TMEM132D: variants seen among roughly 807,000 people sequenced by gnomAD.
The protein encoded by TMEM132D is transmembrane protein 132D.
Under a neutral mutation model 62.3 loss-of-function variants are expected in TMEM132D, and 21 were observed. The ratio of observed to expected loss-of-function variants is 0.34; its 90% CI spans 0.24 to 0.49. TMEM132D has a LOEUF of 0.49. Ranked by LOEUF, TMEM132D falls within the 20% of genes least tolerant of loss-of-function variation. The pLI is 0.99. For synonymous variants in TMEM132D, 621 were observed against 575.6 expected (o/e 1.08, Z -1.13); for missense variants, 1,346 against 1,402.8 (o/e 0.96, Z 0.65).
chr12:129,729,506 C>G (rs1216956263), intron 1 of TMEM132D, among the ~76,000 whole-genome samples: 6 of 151,984 alleles, frequency 3.9e-5, no homozygotes, highest in Admixed American at 6.6e-5. Context: ...GATGAAAAAA[C>G]CCTGGTCTAG....
chr12:129,875,445 G>C (rs1874387235), intron 1 of TMEM132D, among the ~76,000 whole-genome samples: 1 of 152,218 alleles, frequency 6.6e-6, no homozygotes, highest in Non-Finnish European at 1.5e-5. Flanking sequence ...TTAGTTCCTG[G>C]TAAGGGCCCG....
At chr12:129,089,516 T>C (rs181682230) in intron 5 of TMEM132D, among the ~76,000 whole-genome samples, 1 of 101,794 alleles carries the variant, frequency 9.8e-6, no homozygotes, top group African/African-American at 4.0e-5. Context: ...TATGACCGGG[T>C]GTCCTCCATG....
intron 2 of TMEM132D, among the ~76,000 whole-genome samples, chr12:129,698,828 A>C (rs2895129): frequency 0.27 from 41,395 of 151,332 alleles, 6,785 homozygotes; most frequent in Non-Finnish European, 0.37. Flanking sequence ...AGAAGAAAAG[A>C]AAAGCTAGAA....
intron 1 of TMEM132D, among the ~76,000 whole-genome samples, chr12:129,786,448 C>A (rs1871250286): frequency 6.6e-6 from 1 of 152,182 alleles, no homozygotes; most frequent in South Asian, 2.1e-4. Flanking sequence ...AAAAACCATA[C>A]AGAAAAGGGA....
chr12:129,405,565 A>T (rs3900825), intron 3 of TMEM132D, among the ~76,000 whole-genome samples: 2 of 151,914 alleles, frequency 1.3e-5, no homozygotes, highest in Non-Finnish European at 2.9e-5. Flanking sequence ...GAGTGGCCCC[A>T]CTGCAGGTGC....
intron 4 of TMEM132D, among the ~76,000 whole-genome samples, chr12:129,278,017 G>GA (rs554306186): frequency 4.3e-4 from 65 of 152,238 alleles, no homozygotes; most frequent in Middle Eastern, 3.4e-3. Flanking sequence ...ACCAAGCCAG[G>GA]AATCAGCAGA....
At chr12:129,449,526 T>C (rs1474736445) in intron 3 of TMEM132D, among the ~76,000 whole-genome samples, 1 of 152,172 alleles carries the variant, frequency 6.6e-6, no homozygotes, top group Non-Finnish European at 1.5e-5. Flanking sequence ...TGTAGTTCTC[T>C]CCTTGGTCAG....
chr12:129,405,025 A>G (rs1422380382), intron 3 of TMEM132D, among the ~76,000 whole-genome samples: 1 of 152,098 alleles, frequency 6.6e-6, no homozygotes, highest in Non-Finnish European at 1.5e-5. Flanking sequence ...TGAGGATAGG[A>G]CTCCTCCATG....
chr12:129,098,701 G>A (rs1308796509), intron 5 of TMEM132D, among the ~76,000 whole-genome samples: 1 of 152,114 alleles, frequency 6.6e-6, no homozygotes, highest in Non-Finnish European at 1.5e-5. Flanking sequence ...TCACGTCCTC[G>A]CCAAAGTGAC....
chr12:129,378,743 G>C (rs1472672917), intron 3 of TMEM132D, among the ~76,000 whole-genome samples: 1 of 152,166 alleles, frequency 6.6e-6, no homozygotes, highest in Non-Finnish European at 1.5e-5. Flanking sequence ...GCAGAGCTGA[G>C]TGATTTTAAA....
At position 129,786,362 on chromosome 12, in the gene TMEM132D, C is replaced by T. The variant is rs916584132; in HGVS notation, c.80-85664G>A. 4.3e-4 allele frequency among the ~76,000 whole-genome samples: 66 copies of T among 152,114 alleles called. 1 individual carries two copies. Among genetic ancestry groups the T allele is most frequent in the Non-Finnish European group, 2.9e-5 (2 of 68,028 alleles). ...CTTCCGCAGCAGTGACCCCATAAGGCCCAGTAGCAATACAAATGCACAAGG... is the reference window on the plus strand; with the variant it reads ...CTTCCGCAGCAGTGACCCCATAAGGTCCAGTAGCAATACAAATGCACAAGG... On this transcript the variant is annotated intron_variant, in intron 1 of 8. Coordinates refer to ENST00000422113, the MANE Select transcript of TMEM132D (RefSeq NM_133448.3).
At chr12:129,366,257 G>T (rs992631699) in intron 3 of TMEM132D, among the ~76,000 whole-genome samples, 2 of 152,152 alleles carry the variant, frequency 1.3e-5, no homozygotes, top group Admixed American at 1.3e-4. Flanking sequence ...CTTCAATGTT[G>T]GAGGTGGGTC....
intron 1 of TMEM132D, among the ~76,000 whole-genome samples, chr12:129,725,451 C>T (rs987229790): frequency 6.6e-6 from 1 of 152,204 alleles, no homozygotes; most frequent in Non-Finnish European, 1.5e-5. Context: ...TGCCACCGAA[C>T]TTGGATTTGG....
In TMEM132D at chr12:129,776,328, T is replaced by G. The variant is rs1440338703; in HGVS notation, c.80-75630A>C. Among the ~76,000 whole-genome samples, 8 of 152,330 alleles carry G rather than the reference T, an allele frequency of 5.3e-5. No homozygotes were observed. The East Asian group carries it at 1.2e-3, about 22-fold the overall frequency. ...TAATCCCTCTGCTAGCTGTGGGTTC[T>G]AAGGCCGACTGCTGAAAAGATTTGA... On this transcript the variant is annotated intron_variant, in intron 1 of 8. Transcript: ENST00000422113.
chr12:129,726,971 C>T (rs141273920), intron 1 of TMEM132D, among the ~76,000 whole-genome samples: 2,782 of 152,178 alleles, frequency 0.018, 48 homozygotes, highest in South Asian at 0.059. Flanking sequence ...CTAGTGCCTC[C>T]CCACCTCAGT....
At chr12:129,290,391 C>T (rs563445166) in intron 4 of TMEM132D, among the ~76,000 whole-genome samples, 1 of 152,040 alleles carries the variant, frequency 6.6e-6, no homozygotes, top group Non-Finnish European at 1.5e-5. Flanking sequence ...AACAGGTTAT[C>T]GAAGCATAAC....
chr12:129,415,317 A>T (rs899706892), intron 3 of TMEM132D, among the ~76,000 whole-genome samples: 1 of 152,134 alleles, frequency 6.6e-6, no homozygotes, highest in African/African-American at 2.4e-5. Context: ...CTTTCCCCAC[A>T]TCGTCACCAA....
intron 3 of TMEM132D, among the ~76,000 whole-genome samples, chr12:129,381,668 ATTTCTGACTTT>A (rs1374366960): frequency 3.3e-5 from 5 of 151,090 alleles, no homozygotes; most frequent in Admixed American, 2.0e-4. Context: ...ACTCCTTTGT[ATTTCTGACTTT>A]TTTCTTTTCT....
At chr12:129,637,261 T>G (rs1447086250) in intron 2 of TMEM132D, among the ~76,000 whole-genome samples, 4 of 152,198 alleles carry the variant, frequency 2.6e-5, no homozygotes, top group Non-Finnish European at 4.4e-5. Flanking sequence ...TCTCTAAAAT[T>G]TACACTGAAA....
Sources: gnomAD v4.1 joint callset for allele counts (sites outside exome capture counted in the v4.1 genomes callset) on GRCh38, gnomAD v4.1.1 for gene constraint, MANE v1.5 for transcripts, NCBI Gene and HGNC (gene_info 2026-07-23, HGNC 2026-07-21) for gene names.